ESRRG: variants seen among roughly 807,000 people sequenced by gnomAD.
The protein encoded by ESRRG is estrogen-related receptor gamma.
ESRRG carries 13 observed loss-of-function variants against 44.0 expected under a neutral mutation model. The observed-to-expected ratio is 0.30, with a 90% CI of 0.19 to 0.47. The LOEUF is 0.47. Among genes scored for constraint, ESRRG ranks in the 20% least tolerant of loss-of-function variants. ESRRG has a pLI of 1.00. For synonymous variants in ESRRG, 215 were observed against 214.6 expected, an observed-to-expected ratio of 1.00 and a Z score of -0.02; for missense variants, 395 against 580.6, an observed-to-expected ratio of 0.68 and a Z score of 3.29.
At chr1:216,691,810 G>A (rs2079095881) in intron 1 of ESRRG, among the ~76,000 whole-genome samples, 1 of 152,116 alleles carries the variant, frequency 6.6e-6, no homozygotes, top group Non-Finnish European at 1.5e-5. Context: ...AAACTATCAT[G>A]CATCATGTAA....
At chr1:217,077,494 CAA>C (rs896197540) in intron 1 of ESRRG, among the ~76,000 whole-genome samples, 4 of 152,096 alleles carry the variant, frequency 2.6e-5, no homozygotes, top group African/African-American at 4.8e-5. Context: ...CCCTTGAAAA[CAA>C]ATCCACCACT....
At chr1:217,058,937 C>T (rs1370342033) in intron 1 of ESRRG, among the ~76,000 whole-genome samples, 1 of 146,020 alleles carries the variant, frequency 6.8e-6, no homozygotes, top group African/African-American at 2.5e-5. Flanking sequence ...ATAATATAAA[C>T]TAATAAAAAC....
chr1:217,093,911 C>G (rs2092387373), upstream of ESRRG, among the ~76,000 whole-genome samples: 1 of 152,024 alleles, frequency 6.6e-6, no homozygotes, highest in African/African-American at 2.4e-5. Flanking sequence ...GAGACAGGAT[C>G]TGGCTCTGTA....
chr1:216,570,171 C>T (rs1361158603), intron 3 of ESRRG, among the ~76,000 whole-genome samples: 1 of 152,122 alleles, frequency 6.6e-6, no homozygotes, highest in African/African-American at 2.4e-5. Flanking sequence ...CCTGAATTGT[C>T]ATATTGAAGT....
At chr1:217,075,328 C>A (rs771706594) in intron 1 of ESRRG, among the ~76,000 whole-genome samples, 8 of 152,198 alleles carry the variant, frequency 5.3e-5, no homozygotes, top group African/African-American at 1.4e-4. Context: ...CCTCACTCTA[C>A]AGATGAGAAT....
At chr1:216,801,919 T>C (rs1460492059) in intron 2 of ESRRG, among the ~76,000 whole-genome samples, 1 of 152,148 alleles carries the variant, frequency 6.6e-6, no homozygotes, top group Non-Finnish European at 1.5e-5. Flanking sequence ...GGCATCCCAT[T>C]ACTCAAAAAT....
At chr1:217,038,845 T>C (rs1201002751) in intron 1 of ESRRG, among the ~76,000 whole-genome samples, 2 of 152,254 alleles carry the variant, frequency 1.3e-5, no homozygotes, top group Non-Finnish European at 2.9e-5. Context: ...TTCTATCACA[T>C]TGTCAGGCTG....
intron 2 of ESRRG, among the ~76,000 whole-genome samples, chr1:216,858,688 A>C (rs1415525325): frequency 3.3e-5 from 5 of 152,196 alleles, no homozygotes; most frequent in African/African-American, 1.2e-4. Context: ...CTGATTACAA[A>C]TGAGGAAACT....
intron 1 of ESRRG, among the ~76,000 whole-genome samples, chr1:217,074,749 A>G (rs1460827635): frequency 2.0e-5 from 3 of 152,118 alleles, no homozygotes; most frequent in African/African-American, 7.2e-5. Context: ...CTCCAGCCCG[A>G]GCAACAGAGA....
intron 1 of ESRRG, among the ~76,000 whole-genome samples, chr1:216,679,864 G>T (rs1559182934): frequency 1.3e-5 from 2 of 151,990 alleles, no homozygotes; most frequent in Non-Finnish European, 2.9e-5. Context: ...TATTTGCTAA[G>T]CCATCAAATA....
intron 1 of ESRRG, among the ~76,000 whole-genome samples, chr1:217,127,584 A>G (rs1375942801): frequency 2.0e-5 from 3 of 152,190 alleles, no homozygotes; most frequent in South Asian, 2.1e-4. Context: ...ATTTTATTCT[A>G]AGCAACATAA....
chr1:216,625,423 C>CAAAAAAAAAAAAAAAAAA (rs57817803), intron 3 of ESRRG, among the ~76,000 whole-genome samples: 2 of 115,690 alleles, frequency 1.7e-5, no homozygotes, highest in East Asian at 2.8e-4. Flanking sequence ...GCTCATTTGG[C>CAAAAAAAAAAAAAAAAAA]AAAAAAAAAA....
chr1:216,751,565 C>T (rs1431778697), intron 2 of ESRRG, among the ~76,000 whole-genome samples: 1 of 151,982 alleles, frequency 6.6e-6, no homozygotes, highest in Non-Finnish European at 1.5e-5. Flanking sequence ...CTGCCTGCCC[C>T]TCCACTCCCT....
At chr1:217,088,908 A>ATGATGATC (rs772144268) in intron 1 of ESRRG, among the ~76,000 whole-genome samples, 6 of 151,996 alleles carry the variant, frequency 3.9e-5, no homozygotes, top group Non-Finnish European at 8.8e-5. Flanking sequence ...AAATAGTTAA[A>ATGATGATC]TGATGATCGG....
intron 2 of ESRRG, among the ~76,000 whole-genome samples, chr1:216,931,377 A>G (rs753841347): frequency 2.6e-5 from 4 of 152,088 alleles, no homozygotes; most frequent in Non-Finnish European, 5.9e-5. Flanking sequence ...CAGGAAAATA[A>G]TTCTCCCTTC....
At chr1:216,998,929 G>A (rs11572441) in intron 1 of ESRRG, among the ~76,000 whole-genome samples, 25 of 152,294 alleles carry the variant, frequency 1.6e-4, no homozygotes, top group South Asian at 6.2e-4. Flanking sequence ...TCACATTTGC[G>A]TGGTTCATAT....
At chr1:216,667,866 C>T (rs1302301321) in intron 2 of ESRRG, among the ~76,000 whole-genome samples, 1 of 151,890 alleles carries the variant, frequency 6.6e-6, no homozygotes, top group African/African-American at 2.4e-5. Flanking sequence ...AAGGCCAAGG[C>T]AGGTGGATCA....
intron 2 of ESRRG, among the ~76,000 whole-genome samples, chr1:216,777,915 C>G (rs921050567): frequency 6.6e-6 from 1 of 152,080 alleles, no homozygotes; most frequent in African/African-American, 2.4e-5. Context: ...TGAAGACAAC[C>G]AGGCTTGCTA....
At chr1:217,132,690 A>G (rs932575214) in intron 1 of ESRRG, among the ~76,000 whole-genome samples, 1 of 151,970 alleles carries the variant, frequency 6.6e-6, no homozygotes, top group Non-Finnish European at 1.5e-5. Context: ...CTTCTGTCCA[A>G]TTCCACGTGC....
Sources: gnomAD v4.1 joint callset for allele counts (sites outside exome capture counted in the v4.1 genomes callset) on GRCh38, gnomAD v4.1.1 for gene constraint, MANE v1.5 for transcripts, NCBI Gene and HGNC (gene_info 2026-07-23, HGNC 2026-07-21) for gene names.